The following RBMS3 variants were observed in gnomAD, a reference collection of about 807,000 sequenced individuals.
The protein encoded by RBMS3 is RNA binding motif single stranded interacting protein 3.
A neutral mutation model predicts 66.8 loss-of-function variants in RBMS3; 27 were observed. That is an observed-to-expected ratio of 0.40 (90% CI 0.30 to 0.56). The LOEUF (loss-of-function observed/expected upper bound fraction) is 0.56. RBMS3 is among the 20% of genes least tolerant of loss of function. The probability of loss-of-function intolerance (pLI) is 0.40; values close to 1 mark genes in which losing one functional copy is unlikely to be tolerated. For synonymous variants in RBMS3, 188 were observed against 183.0 expected, an observed-to-expected ratio of 1.03 and a Z score of -0.22; for missense variants, 513 against 549.5, an observed-to-expected ratio of 0.93 and a Z score of 0.66.
rs774129773 is a variant in RBMS3, at chr3:29,793,401, T to C, written c.637+30412T>C. Among the ~76,000 whole-genome samples, 7 of 152,128 alleles carry C rather than the reference T, an allele frequency of 4.6e-5. No individual in the cohort carries two copies. In the South Asian group the frequency reaches 1.2e-3, roughly 27 times the overall value. On this transcript the variant is annotated intron_variant, in intron 6 of 14. Coordinates refer to ENST00000383767, the MANE Select transcript of RBMS3 (RefSeq NM_001003793.3). ...CCTGAATGATTCTTAGATAACAATT[T>C]GGATTTATTTAATATTTATTAAGTG... is the stretch of plus-strand genomic sequence containing the variant.
chr3:29,713,044 A>G (rs2149309069), intron 4 of RBMS3, among the ~76,000 whole-genome samples: 1 of 152,040 alleles, frequency 6.6e-6, no homozygotes, highest in Admixed American at 6.6e-5. Context: ...CCCTGTGAGG[A>G]TGTGATTTTG....
chr3:29,749,774 T>C (rs1038202203), intron 5 of RBMS3, among the ~76,000 whole-genome samples: 1 of 152,174 alleles, frequency 6.6e-6, no homozygotes, highest in African/African-American at 2.4e-5. Context: ...CTTCAATTCC[T>C]CAAAGCAATC....
At chr3:29,313,111 G>T (rs1311164393) in intron 1 of RBMS3, among the ~76,000 whole-genome samples, 1 of 151,722 alleles carries the variant, frequency 6.6e-6, no homozygotes, top group Non-Finnish European at 1.5e-5. Context: ...TTGAAGGAAT[G>T]TTCACATTTC....
At position 29,350,609 on chromosome 3, in the gene RBMS3, T is replaced by C. The variant is rs150375723; in HGVS notation, c.75+68853T>C. On this transcript the variant is annotated intron_variant, in intron 1 of 14. Transcript: ENST00000383767. Reference sequence around the variant, plus strand: ...GGAGAGAACTAAGCTCCCTCTCTCCTGGGACAAAGCTTATGCTCTGCTCTG... The same window carrying C: ...GGAGAGAACTAAGCTCCCTCTCTCCCGGGACAAAGCTTATGCTCTGCTCTG... Among the ~76,000 whole-genome samples the C allele has an allele frequency of 6.5e-3, 992 of 152,232 alleles. 11 individuals are homozygous for C. Among genetic ancestry groups the C allele is most frequent in the African/African-American group, 0.023 (956 of 41,534 alleles).
chr3:29,848,941 C>A (rs1450641804), intron 6 of RBMS3, among the ~76,000 whole-genome samples: 1 of 152,072 alleles, frequency 6.6e-6, no homozygotes, highest in African/African-American at 2.4e-5. Flanking sequence ...CTAGAATTTG[C>A]TCCTTGAAGT....
At chr3:29,894,397 T>C (rs1286978423) in intron 8 of RBMS3, among the ~76,000 whole-genome samples, 3 of 151,396 alleles carry the variant, frequency 2.0e-5, no homozygotes, top group Non-Finnish European at 4.4e-5. Context: ...TTTGTATTTT[T>C]GTAGAGATGG....
Position 29,828,917 on chromosome 3 carries a change from T to G in RBMS3, c.638-39941T>G, listed in dbSNP as rs543894558. On this transcript the variant is annotated intron_variant, in intron 6 of 14. Coordinates refer to ENST00000383767, the MANE Select transcript of RBMS3 (RefSeq NM_001003793.3). The stretch of plus-strand genomic sequence containing the variant: ...ACTGTGTGTTCAGTAATAACCCATA[T>G]AGTAGAAAGAAGGGTGAAGAAATGT... Among the ~76,000 whole-genome samples, 5 of 152,346 alleles carry G rather than the reference T, an allele frequency of 3.3e-5. No individual in the cohort carries two copies. The East Asian group carries it at 9.6e-4, about 29-fold the overall frequency.
rs755770233 is a variant in RBMS3, at chr3:29,281,650, T to C, written c.-32T>C. The C allele has an allele frequency of 1.9e-6, 3 of 1,591,796 alleles. No individual in the cohort carries two copies. The highest frequency in any genetic ancestry group is 2.2e-5 in the South Asian group (2 of 90,618). ...TGGGGCACTATACCCTGTCATCCAGTTCCCTGCCTCGGAGATAAAGATTCC... is the reference window on the plus strand; with the variant it reads ...TGGGGCACTATACCCTGTCATCCAGCTCCCTGCCTCGGAGATAAAGATTCC... On this transcript the variant is annotated 5_prime_UTR_variant, in exon 1 of 15. Transcript: ENST00000383767.
chr3:29,553,964 C>T (rs566065580), intron 3 of RBMS3, among the ~76,000 whole-genome samples: 1 of 152,086 alleles, frequency 6.6e-6, no homozygotes, highest in African/African-American at 2.4e-5. Context: ...ATTACTGTAA[C>T]CTTCTTCCAA....
chr3:29,971,368 CTTGTTTGT>C (rs150403023), intron 12 of RBMS3, among the ~76,000 whole-genome samples: 8 of 151,614 alleles, frequency 5.3e-5, no homozygotes, highest in Non-Finnish European at 1.2e-4. Context: ...TCCTAATACA[CTTGTTTGT>C]TTGTTTGTTT....
intron 2 of RBMS3, among the ~76,000 whole-genome samples, chr3:29,479,176 T>A (rs1298297451): frequency 4.6e-5 from 7 of 152,068 alleles, no homozygotes; most frequent in Admixed American, 4.6e-4. Flanking sequence ...TATTTCATGT[T>A]AAATAAATGA....
chr3:29,425,380 A>T (rs1445561088), intron 1 of RBMS3, among the ~76,000 whole-genome samples: 3 of 150,112 alleles, frequency 2.0e-5, no homozygotes, highest in Non-Finnish European at 1.5e-5. Context: ...TCTCAAAAAA[A>T]GCTAGGGGAA....
intron 2 of RBMS3, among the ~76,000 whole-genome samples, chr3:29,486,262 G>C (rs932748380): frequency 1.3e-5 from 2 of 152,114 alleles, no homozygotes; most frequent in Non-Finnish European, 2.9e-5. Context: ...GGCCCATTAA[G>C]TACCTTCTCT....
chr3:29,605,297 A>G (rs187527632), intron 4 of RBMS3, among the ~76,000 whole-genome samples: 7 of 151,880 alleles, frequency 4.6e-5, no homozygotes, highest in Admixed American at 6.6e-5. Flanking sequence ...AAAAAGGTCA[A>G]TGCACCAGCA....
intron 1 of RBMS3, among the ~76,000 whole-genome samples, chr3:29,410,088 A>G (rs1162925404): frequency 6.6e-6 from 1 of 152,198 alleles, no homozygotes; most frequent in Non-Finnish European, 1.5e-5. Flanking sequence ...ACCAGAAAAG[A>G]TCCAACATAT....
At chr3:29,861,552 A>C (rs1483816622) in intron 6 of RBMS3, among the ~76,000 whole-genome samples, 6 of 152,240 alleles carry the variant, frequency 3.9e-5, no homozygotes, top group African/African-American at 1.4e-4. Flanking sequence ...CTTAGATGTC[A>C]ATATCTTCTC....
chr3:29,914,637 A>G (rs1003724208), intron 10 of RBMS3, among the ~76,000 whole-genome samples: 1 of 151,910 alleles, frequency 6.6e-6, no homozygotes, highest in Non-Finnish European at 1.5e-5. Context: ...CTATACTGTT[A>G]TGGCTAATTA....
At chr3:29,597,870 C>T (rs1156520241) in intron 4 of RBMS3, among the ~76,000 whole-genome samples, 1 of 152,020 alleles carries the variant, frequency 6.6e-6, no homozygotes, top group African/African-American at 2.4e-5. Context: ...CCTAAGGATC[C>T]ATTTGGAAAT....
intron 4 of RBMS3, among the ~76,000 whole-genome samples, chr3:29,665,759 CA>C (rs1240620274): frequency 6.6e-6 from 1 of 151,910 alleles, no homozygotes; most frequent in Non-Finnish European, 1.5e-5. Flanking sequence ...GCTCCCAGAG[CA>C]AAAAAATTAA....
Sources: gnomAD v4.1 joint callset for allele counts (sites outside exome capture counted in the v4.1 genomes callset) on GRCh38, gnomAD v4.1.1 for gene constraint, MANE v1.5 for transcripts, NCBI Gene and HGNC (gene_info 2026-07-23, HGNC 2026-07-21) for gene names.